The following ACCSL variants were observed in gnomAD, a reference collection of about 807,000 sequenced individuals.
ACCSL encodes probable inactive 1-aminocyclopropane-1-carboxylate synthase-like protein 2.
ACCSL carries 55 observed loss-of-function variants against 61.7 expected under a neutral mutation model. The ratio of observed to expected loss-of-function variants is 0.89; its 90% CI spans 0.72 to 1.12. The LOEUF is 1.12. Ranked by LOEUF, ACCSL falls within the 50% of genes most tolerant of loss-of-function variation. ACCSL has a pLI of 0.00. For missense variants in ACCSL, 632 were observed against 698.0 expected (o/e 0.91, Z 1.07); for synonymous variants, 258 against 264.3 (o/e 0.98, Z 0.23).
At chr11:43,992,025 T>C in the ACCSL span, among the ~76,000 whole-genome samples, 6 of 150,996 alleles carry the variant, frequency 4.0e-5, no homozygotes, top group African/African-American at 1.5e-4. Flanking sequence ...TTTCTTTTTT[T>C]CCTTTTTCTT....
At chr11:43,955,977 A>G in the ACCSL span, among the ~76,000 whole-genome samples, 1 of 151,934 alleles carries the variant, frequency 6.6e-6, no homozygotes, top group Non-Finnish European at 1.5e-5. Context: ...AGCTGAATTA[A>G]ATTTAAAGGA....
chr11:43,961,806 A>G, the ACCSL span, among the ~76,000 whole-genome samples: 1 of 152,092 alleles, frequency 6.6e-6, no homozygotes, highest in Non-Finnish European at 1.5e-5. Context: ...TTCACACTTC[A>G]GCTATAACAG....
intron 2 of ACCSL, among the ~76,000 whole-genome samples, 185 bp from the exon 3 acceptor site, chr11:44,050,367 T>C (rs1952628877): frequency 6.6e-6 from 1 of 152,240 alleles, no homozygotes; most frequent in African/African-American, 2.4e-5. Context: ...CAGTGAGGTA[T>C]CTACTTGTGT....
chr11:43,966,416 ACT>A, the ACCSL span, among the ~76,000 whole-genome samples: 16 of 143,872 alleles, frequency 1.1e-4, no homozygotes, highest in African/African-American at 3.9e-4. Context: ...ACAGAGGGAG[ACT>A]CTGTCTCAAA....
chr11:44,051,162 A>G (rs1172991658), intron 3 of ACCSL, among the ~76,000 whole-genome samples, 173 bp from the exon 4 acceptor site: 1 of 151,816 alleles, frequency 6.6e-6, no homozygotes, highest in Non-Finnish European at 1.5e-5. Flanking sequence ...TCTTGTCCCA[A>G]CTCTCATTTA....
At chr11:43,982,890 G>A in the ACCSL span, among the ~76,000 whole-genome samples, 2 of 152,172 alleles carry the variant, frequency 1.3e-5, no homozygotes, top group Admixed American at 6.5e-5. Context: ...TCAGAGGAGC[G>A]GTGGGCTGCG....
the ACCSL span, among the ~76,000 whole-genome samples, chr11:43,955,457 G>A: frequency 6.6e-6 from 1 of 152,182 alleles, no homozygotes; most frequent in African/African-American, 2.4e-5. Context: ...ATCACAGCCT[G>A]ATAAAGAGTT....
chr11:43,943,965 G>A, the ACCSL span: 2 of 856,338 alleles, frequency 2.3e-6, no homozygotes, highest in Middle Eastern at 5.1e-4. This position sits in a 1 kb window ranked among gnomAD's most constrained non-coding sequence, Gnocchi z 4.8. Context: ...GTGGCAGGGG[G>A]ATGTCGGACC....
the ACCSL span, among the ~76,000 whole-genome samples, chr11:44,025,875 T>A: frequency 1.2e-3 from 177 of 152,358 alleles, 1 homozygote; most frequent in African/African-American, 4.1e-3. Flanking sequence ...TCCCCATGCC[T>A]TCTGCTTTCC....
the ACCSL span, among the ~76,000 whole-genome samples, chr11:43,975,640 A>G: frequency 6.6e-6 from 1 of 152,234 alleles, no homozygotes; most frequent in African/African-American, 2.4e-5. Flanking sequence ...AACATTCACA[A>G]GAGATCCAGA....
chr11:43,964,452 AAG>A, the ACCSL span, among the ~76,000 whole-genome samples: 2 of 151,854 alleles, frequency 1.3e-5, no homozygotes, highest in Non-Finnish European at 2.9e-5. Context: ...AAAAAAAAAA[AAG>A]AAAGAAATGT....
the ACCSL span, among the ~76,000 whole-genome samples, chr11:44,033,844 A>T: frequency 9.5e-4 from 144 of 152,260 alleles, no homozygotes; most frequent in Middle Eastern, 0.02. Context: ...GCTTATTCAT[A>T]TTTGAAGAGG....
chr11:44,009,299 T>G, the ACCSL span, among the ~76,000 whole-genome samples: 2 of 152,206 alleles, frequency 1.3e-5, no homozygotes, highest in African/African-American at 2.4e-5. Context: ...TAAAAAGGAT[T>G]TGTTGTGACT....
chr11:43,937,281 A>C, the ACCSL span, among the ~76,000 whole-genome samples: 3 of 152,214 alleles, frequency 2.0e-5, no homozygotes, highest in African/African-American at 7.2e-5. Flanking sequence ...GTACAGTGTC[A>C]ACAGACAAGA....
At chr11:43,938,205 G>C in the ACCSL span, among the ~76,000 whole-genome samples, 6 of 148,206 alleles carry the variant, frequency 4.0e-5, no homozygotes, top group South Asian at 1.3e-3. Flanking sequence ...GAGGTTCTCT[G>C]GGGGGGTGAC....
chr11:43,984,535 A>G, the ACCSL span, among the ~76,000 whole-genome samples: 3 of 152,218 alleles, frequency 2.0e-5, no homozygotes, highest in Non-Finnish European at 4.4e-5. Flanking sequence ...ATGCTTGACA[A>G]TGACCTAGCC....
chr11:44,024,435 C>CTT, the ACCSL span, among the ~76,000 whole-genome samples: 3 of 60,104 alleles, frequency 5.0e-5, no homozygotes, highest in Non-Finnish European at 9.9e-5. Flanking sequence ...TTCTCTCTCT[C>CTT]TCTCTCTGTG....
the ACCSL span, among the ~76,000 whole-genome samples, chr11:43,966,196 C>T: frequency 7.9e-5 from 12 of 152,200 alleles, no homozygotes; most frequent in East Asian, 9.7e-4. Flanking sequence ...GAGGCCAAGG[C>T]GGGCAGATCA....
chr11:43,970,194 C>T, the ACCSL span, among the ~76,000 whole-genome samples: 23 of 151,958 alleles, frequency 1.5e-4, no homozygotes, highest in Non-Finnish European at 2.9e-4. Flanking sequence ...CTCGAGTGAT[C>T]CTCATTGTAA....
Sources: allele counts gnomAD v4.1 joint callset (sites outside exome capture counted in the v4.1 genomes callset), GRCh38; gene constraint gnomAD v4.1.1; non-coding constraint Gnocchi (gnomAD v3.1); transcripts MANE v1.5; gene names NCBI Gene and HGNC (gene_info 2026-07-23, HGNC 2026-07-21).